Variants in NTHL1 observed in about 807,000 individuals in gnomAD.
NTHL1 encodes endonuclease III-like protein 1.
In NTHL1, 32 loss-of-function variants were observed where a neutral mutation model predicts 32.3. That is an observed-to-expected ratio of 0.99 (90% confidence interval 0.75 to 1.33). The LOEUF (loss-of-function observed/expected upper bound fraction) is 1.33. Among genes scored for constraint, NTHL1 ranks in the 40% most tolerant of loss-of-function variants. The pLI, the probability that NTHL1 is intolerant of heterozygous loss-of-function variation, is 0.00. For missense variants in NTHL1, 501 were observed against 414.1 expected, an observed-to-expected ratio of 1.21 and a Z score of -1.82; for synonymous variants, 188 against 176.9, an observed-to-expected ratio of 1.06 and a Z score of -0.50.
rs1316295065 is a variant in NTHL1 at position 2,044,244 on chromosome 16, G to T, written c.525+386C>A. ...CAACAGATCCGCCCACCACCATCCA[G>T]TGCTCGGCGGGGTTGGGGAGCAGCC... On this transcript the variant is annotated intron_variant, in intron 3 of 5. Transcript: ENST00000651570. This position sits in a 1 kb window ranked among gnomAD's most constrained non-coding sequence, Gnocchi z 5.0. 1.3e-5 allele frequency among the ~76,000 whole-genome samples: 2 copies of T among 152,228 alleles called. No homozygotes were observed. Among genetic ancestry groups the T allele is most frequent in the African/African-American group, 4.8e-5 (2 of 41,468 alleles).
At position 2,044,666 on chromosome 16, in the gene NTHL1, C is replaced by T. The variant is rs760491144; in HGVS notation, c.489G>A (p.Thr163=). Reference sequence around the variant, plus strand: ...CGACGGGGTAGATGAGCTTGCCCAGCGTGGCATCATCTGTCTGCAGGATGC... The same window carrying T: ...CGACGGGGTAGATGAGCTTGCCCAGTGTGGCATCATCTGTCTGCAGGATGC... ...VDSILQTDDA[T]LGKLIYPVGF... is the part of the protein sequence containing the mutation. The change falls in exon 3 of 6, where the codon ACG becomes ACA. Residue 163 remains threonine, a synonymous_variant. Transcript: ENST00000651570. The surrounding 1 kb of genome is among the most constrained non-coding windows in gnomAD (Gnocchi z 5.0). 86 of 1,609,874 alleles carry T rather than the reference C, an allele frequency of 5.3e-5. No individual in the cohort carries two copies. Among genetic ancestry groups the T allele is most frequent in the East Asian group, 2.2e-4 (10 of 44,894 alleles).
At chr16:2,042,083 C>G (rs1466405637) in intron 4 of NTHL1, 2 of 456,028 alleles carry the variant, frequency 4.4e-6, no homozygotes, top group South Asian at 3.1e-5. Context: ...GAGCGTTTCT[C>G]TTTCGGGGAA....
intron 4 of NTHL1, among the ~76,000 whole-genome samples, chr16:2,041,696 C>T (rs1460702270): frequency 6.6e-6 from 1 of 152,046 alleles, no homozygotes; most frequent in Non-Finnish European, 1.5e-5. Flanking sequence ...CAAGCCCCAC[C>T]TCCCAGGTTC....
In NTHL1 at chr16:2,043,920, T is replaced by G. The variant is rs2084304850; in HGVS notation, c.526-194A>C. 1.6e-6 allele frequency: 1 copy of G among 624,462 alleles called. No homozygotes were observed. Among genetic ancestry groups the G allele is most frequent in the Admixed American group, 2.6e-5 (1 of 38,346 alleles). 38.7% of individuals were successfully genotyped at this position (624,462 alleles called of 1,614,324 possible). A position where few individuals can be genotyped will look rare whatever the true frequency, so the allele number is the denominator to read the frequency against. Reference sequence around the variant, plus strand: ...GAGGCCCAAGGTAGGCCTGACCCCCTCCTCCCACCCGTGTGGGCCAATGAT... The same window carrying G: ...GAGGCCCAAGGTAGGCCTGACCCCCGCCTCCCACCCGTGTGGGCCAATGAT... On this transcript the variant is annotated intron_variant, in intron 3 of 5. Coordinates refer to ENST00000651570, the MANE Select transcript of NTHL1 (RefSeq NM_002528.7). This position sits in a 1 kb window ranked among gnomAD's most constrained non-coding sequence, Gnocchi z 4.4.
chr16:2,040,131 A>G lies in NTHL1; in HGVS notation c.791+2T>C, dbSNP rs2084241095. The G allele has an allele frequency of 1.2e-6, 2 of 1,613,338 alleles. No individual in the cohort carries two copies. The highest frequency in any genetic ancestry group is 2.2e-5 in the South Asian group (2 of 91,078). ...CCTAGGAAGCCCCCCACATACTCAT[A>G]CCTAGGCAGCCACTCCTCCAGGGCG... is the stretch of plus-strand genomic sequence containing the variant. On this transcript the variant is annotated splice_donor_variant, in intron 5 of 5. Coordinates refer to ENST00000651570, the MANE Select transcript of NTHL1 (RefSeq NM_002528.7). LOFTEE classifies it high-confidence loss of function.
At position 2,043,546 on chromosome 16, in the gene NTHL1, G is replaced by T; in HGVS notation, c.685+21C>A. 1 of 1,602,530 alleles carries T rather than the reference G, an allele frequency of 6.2e-7. No homozygotes were observed. ...AAGAGCAGCCAGTGGGCTGGAGCCA[G>T]CCCCGCCCTCCTCTACTCACCAATG... is the stretch of plus-strand genomic sequence containing the variant. On this transcript the variant is annotated intron_variant, in intron 4 of 5. Transcript: ENST00000651570. The surrounding 1 kb of genome is among the most constrained non-coding windows in gnomAD (Gnocchi z 4.4).
rs3211970 is a variant in NTHL1 at position 2,046,376 on chromosome 16, G to A, written c.116-10C>T. 2 of 1,602,308 alleles carry A rather than the reference G, an allele frequency of 1.2e-6. No individual in the cohort carries two copies. The highest frequency in any genetic ancestry group is 4.5e-5 in the East Asian group (2 of 44,644). ...TGGCTTTTCCTCGCTTCTGCAAAAAGCACCACGCAGTCCCTCTGGTGGGGC... is the reference window on the plus strand; with the variant it reads ...TGGCTTTTCCTCGCTTCTGCAAAAAACACCACGCAGTCCCTCTGGTGGGGC... On this transcript the variant is annotated splice_polypyrimidine_tract_variant and intron_variant, in intron 1 of 5. Transcript: ENST00000651570.
At position 2,043,140 on chromosome 16, in the gene NTHL1, C is replaced by T. The variant is rs2084292128; in HGVS notation, c.685+427G>A. 6.6e-6 allele frequency among the ~76,000 whole-genome samples: 1 copy of T among 151,316 alleles called. No homozygotes were observed. Among genetic ancestry groups the T allele is most frequent in the African/African-American group, 2.4e-5 (1 of 41,076 alleles). ...TGTTCCTTCTGCTGGGAACACACTT[C>T]CTCCTCTTGGCCTGGCTCACCCCAC... On this transcript the variant is annotated intron_variant, in intron 4 of 5. Coordinates refer to ENST00000651570, the MANE Select transcript of NTHL1 (RefSeq NM_002528.7). The surrounding 1 kb of genome is among the most constrained non-coding windows in gnomAD (Gnocchi z 4.4).
At chr16:2,047,246 G>A in intron 1 of NTHL1, 1 of 196,500 alleles carries the variant, frequency 5.1e-6, no homozygotes, top group Non-Finnish European at 1.1e-5. Flanking sequence ...TTGGCCCCCA[G>A]CAGGTCCTCA....
chr16:2,044,756 T>C lies in NTHL1; in HGVS notation c.399A>G (p.Gln133=). ...CGCCCGCCGTCACCTGGTCTTTGGT[T>C]TGGCTGGAGAGCATCAGTGACAGCA... ...QVLLSLMLSS[Q]TKDQVTAGAM... The change falls in exon 3 of 6, where the codon CAA becomes CAG. Residue 133 remains glutamine, a synonymous_variant. Transcript: ENST00000651570. The surrounding 1 kb of genome is among the most constrained non-coding windows in gnomAD (Gnocchi z 5.0). 1 of 1,612,100 alleles carries C rather than the reference T, an allele frequency of 6.2e-7. No individual in the cohort carries two copies. Among genetic ancestry groups the C allele is most frequent in the Non-Finnish European group, 8.5e-7 (1 of 1,179,438 alleles).
In NTHL1 at chr16:2,040,141, C is replaced by G. The variant is rs765738378; in HGVS notation, c.783G>C (p.Trp261Cys). 1 of 1,613,738 alleles carries G rather than the reference C, an allele frequency of 6.2e-7. No individual in the cohort carries two copies. Among genetic ancestry groups the G allele is most frequent in the Non-Finnish European group, 8.5e-7 (1 of 1,179,988 alleles). The change falls in exon 5 of 6, where the codon TGG becomes TGC. Residue 261 changes from tryptophan (W) to cysteine (C), a missense_variant. Physicochemically the swap from Trp to Cys is radical, Grantham distance 215. Transcript: ENST00000651570. ...PEETRAALEE[W>C]LPRELWHEIN... Reference sequence around the variant, plus strand: ...CCCCCACATACTCATACCTAGGCAGCCACTCCTCCAGGGCGGCGCGGGTCT... The same window carrying G: ...CCCCCACATACTCATACCTAGGCAGGCACTCCTCCAGGGCGGCGCGGGTCT...
At position 2,047,598 on chromosome 16, in the gene NTHL1, G is replaced by A. The variant is rs1012516393; in HGVS notation, c.115+111C>T. 6.3e-6 allele frequency: 9 copies of A among 1,431,238 alleles called. No individual in the cohort carries two copies. The East Asian group carries it at 1.3e-4, about 21-fold the overall frequency. The allele number at this position is 1,431,238 out of a possible 1,614,324, so 88.7% of individuals were successfully genotyped here. On this transcript the variant is annotated intron_variant, in intron 1 of 5. Transcript: ENST00000651570. ...CACGTGGGAACCGTTCGCGGCTGCC[G>A]GGTTTGCAGCCCCTGCCCGCGCAGC...
rs1386700025 is a variant in NTHL1 at position 2,044,020 on chromosome 16, G to T, written c.526-294C>A. On this transcript the variant is annotated intron_variant, in intron 3 of 5. Transcript: ENST00000651570. The surrounding 1 kb of genome is among the most constrained non-coding windows in gnomAD (Gnocchi z 5.0). ...CACCCAGGCCAGGCCAAGCAGGCCA[G>T]CCGCTCCCAGGAGTGGGGCTTGGCT... The T allele has an allele frequency of 4.2e-6, 2 of 477,722 alleles. No homozygotes were observed. Among genetic ancestry groups the T allele is most frequent in the Non-Finnish European group, 7.7e-6 (2 of 258,900 alleles). 29.6% of individuals were successfully genotyped at this position (477,722 alleles called of 1,614,324 possible). A position where few individuals can be genotyped will look rare whatever the true frequency, so the allele number is the denominator to read the frequency against.
intron 4 of NTHL1, 177 bp from the exon 5 acceptor site, chr16:2,040,415 G>A: frequency 3.0e-6 from 2 of 675,922 alleles, no homozygotes; most frequent in Non-Finnish European, 5.3e-6. Context: ...GAGGTGCTGG[G>A]GCAGGGGCTG....
chr16:2,045,494 T>C (rs1354112191), intron 2 of NTHL1, among the ~76,000 whole-genome samples: 1 of 152,040 alleles, frequency 6.6e-6, no homozygotes, highest in African/African-American at 2.4e-5. Context: ...TGAAGTGTGG[T>C]GGTGCCATCT....
chr16:2,047,479 G>C, intron 1 of NTHL1: 1 of 670,108 alleles, frequency 1.5e-6, no homozygotes, highest in Non-Finnish European at 2.4e-6. Flanking sequence ...TTCTTGCTTG[G>C]GGCGAAAGGG....
chr16:2,047,461 GA>G, intron 1 of NTHL1: 1 of 611,904 alleles, frequency 1.6e-6, no homozygotes, highest in Non-Finnish European at 2.8e-6. Context: ...GGTGGGAAAG[GA>G]AGCGTTTTCT....
rs991050195 is a variant in NTHL1, at chr16:2,043,042, C to T, written c.685+525G>A. On this transcript the variant is annotated intron_variant, in intron 4 of 5. Coordinates refer to ENST00000651570, the MANE Select transcript of NTHL1 (RefSeq NM_002528.7). This position sits in a 1 kb window ranked among gnomAD's most constrained non-coding sequence, Gnocchi z 4.4. ...TCCTCCCTCCTCAGTCCTTACCTCCCCACTCTGCCCTCATCTCATTCCAGA... is the reference window on the plus strand; with the variant it reads ...TCCTCCCTCCTCAGTCCTTACCTCCTCACTCTGCCCTCATCTCATTCCAGA... Among the ~76,000 whole-genome samples the T allele has an allele frequency of 6.9e-6, 1 of 144,084 alleles. No individual in the cohort carries two copies. The highest frequency in any genetic ancestry group is 1.5e-5 in the Non-Finnish European group (1 of 65,868). 94.5% of individuals were successfully genotyped at this position (144,084 alleles called of 152,430 possible). A position where few individuals can be genotyped will look rare whatever the true frequency, so the allele number is the denominator to read the frequency against.
chr16:2,041,809 C>T (rs1596217820), intron 4 of NTHL1, among the ~76,000 whole-genome samples: 1 of 152,146 alleles, frequency 6.6e-6, no homozygotes, highest in East Asian at 1.9e-4. Context: ...GGGGTTTCAC[C>T]ATCTTAGCCT....
Sources: allele counts gnomAD v4.1 joint callset (sites outside exome capture counted in the v4.1 genomes callset), GRCh38; gene constraint gnomAD v4.1.1; non-coding constraint Gnocchi (gnomAD v3.1); transcripts MANE v1.5; gene names NCBI Gene and HGNC (gene_info 2026-07-23, HGNC 2026-07-21).